Variants in MON2 observed in about 807,000 individuals in gnomAD.
MON2 encodes protein MON2 homolog.
A neutral mutation model predicts 208.6 loss-of-function variants in MON2; 84 were observed. The ratio of observed to expected loss-of-function variants is 0.40; its 90% confidence interval spans 0.34 to 0.48. The LOEUF is 0.48. Among genes scored for constraint, MON2 ranks in the 20% least tolerant of loss-of-function variants. MON2 has a pLI of 0.59. For synonymous variants in MON2, 660 were observed against 694.0 expected (o/e 0.95, Z 0.77); for missense variants, 1,611 against 2,015.4 (o/e 0.80, Z 3.84).
intron 30 of MON2, among the ~76,000 whole-genome samples, chr12:62,576,103 A>T (rs1409895891): frequency 1.3e-5 from 2 of 152,202 alleles, no homozygotes; most frequent in African/African-American, 2.4e-5. Context: ...ATTGAATGTA[A>T]TGTATTCATA....
intron 8 of MON2, among the ~76,000 whole-genome samples, chr12:62,516,698 C>T (rs2071711033): frequency 6.6e-6 from 1 of 152,012 alleles, no homozygotes; most frequent in Non-Finnish European, 1.5e-5. Context: ...GAGCAAAACT[C>T]CATCTCTAAA....
At chr12:62,483,257 TGTAGCCAAATG>T (rs1161096978) in intron 1 of MON2, among the ~76,000 whole-genome samples, 1 of 152,202 alleles carries the variant, frequency 6.6e-6, no homozygotes, top group East Asian at 1.9e-4. Flanking sequence ...AATAGCCACA[TGTAGCCAAATG>T]GCTACCAAAT....
At chr12:62,481,050 AT>A (rs1460867559) in intron 1 of MON2, among the ~76,000 whole-genome samples, 7 of 152,180 alleles carry the variant, frequency 4.6e-5, no homozygotes, top group African/African-American at 1.4e-4. Flanking sequence ...GTGTTCTATA[AT>A]TTTTACAGTA....
chr12:62,535,390 A>G, intron 13 of MON2, 135 bp from the exon 14 acceptor site: 1 of 679,424 alleles, frequency 1.5e-6, no homozygotes, highest in Non-Finnish European at 2.3e-6. Context: ...TTCCTTCTTA[A>G]GTATATTGGT....
chr12:62,501,064 G>C (rs923534765), intron 6 of MON2, among the ~76,000 whole-genome samples, 184 bp downstream of exon 6: 1 of 151,890 alleles, frequency 6.6e-6, no homozygotes, highest in Non-Finnish European at 1.5e-5. Context: ...ATGATAAAAC[G>C]TTATTACTCA....
At chr12:62,590,991 CTTTGAG>C (rs1169352755) in intron 34 of MON2, among the ~76,000 whole-genome samples, 1 of 152,174 alleles carries the variant, frequency 6.6e-6, no homozygotes, top group African/African-American at 2.4e-5. Flanking sequence ...GAGTTGCTTC[CTTTGAG>C]TTTAAGATGT....
rs377424436 is a variant in MON2, at chr12:62,571,496, T to C, written c.4428T>C (p.Val1476=). ...LLRVLSIGLP[V]ARQHASSGKF... ...GAGTTCTTTCTATTGGGCTACCTGT[T>C]GCCCGGCAGCATGCTTCTTCTGGAA... The change falls in exon 30 of 35, where the codon GTT becomes GTC. Residue 1476 remains valine (V), a synonymous_variant. Transcript: ENST00000393630. The C allele has an allele frequency of 1.2e-6, 2 of 1,613,844 alleles. No individual in the cohort carries two copies. Among genetic ancestry groups the C allele is most frequent in the Non-Finnish European group, 1.7e-6 (2 of 1,179,738 alleles).
At chr12:62,469,910 ATTTATTTATTTAT>A (rs1370429293) in intron 1 of MON2, among the ~76,000 whole-genome samples, 5,131 of 41,650 alleles carry the variant, frequency 0.12, 295 homozygotes, top group African/African-American at 0.36. Flanking sequence ...TTATTTATTT[ATTTATTTATTTAT>A]TTGAGACAGG....
At chr12:62,552,162 G>A (rs1005380028) in intron 23 of MON2, among the ~76,000 whole-genome samples, 1 of 152,154 alleles carries the variant, frequency 6.6e-6, no homozygotes, top group Non-Finnish European at 1.5e-5. Flanking sequence ...TTATATAACA[G>A]ACTTGAGGAT....
At chr12:62,534,542 A>AATATATATATATATATATAT (rs71882879) in intron 12 of MON2, among the ~76,000 whole-genome samples, 16 of 22,826 alleles carry the variant, frequency 7.0e-4, no homozygotes, top group East Asian at 1.7e-3. Flanking sequence ...AAAAAAAAAA[A>AATATATATATATATATATAT]ATATATATAT....
At chr12:62,523,317 A>C (rs1014577070) in intron 8 of MON2, among the ~76,000 whole-genome samples, 1 of 152,174 alleles carries the variant, frequency 6.6e-6, no homozygotes, top group African/African-American at 2.4e-5. Flanking sequence ...TTGATTTCCC[A>C]GAAAGATGTA....
intron 19 of MON2, among the ~76,000 whole-genome samples, chr12:62,539,164 T>G (rs1428544819): frequency 6.6e-6 from 1 of 152,144 alleles, no homozygotes; most frequent in African/African-American, 2.4e-5. Context: ...GTTTGACTAT[T>G]TACAAATAAG....
At chr12:62,575,520 G>A (rs555322805) in intron 30 of MON2, among the ~76,000 whole-genome samples, 126 of 152,152 alleles carry the variant, frequency 8.3e-4, no homozygotes, top group Non-Finnish European at 1.5e-3. Context: ...AAGACTTAAT[G>A]AATTTAAATA....
chr12:62,491,557 C>T (rs2070141991), intron 2 of MON2, among the ~76,000 whole-genome samples: 1 of 151,948 alleles, frequency 6.6e-6, no homozygotes, highest in African/African-American at 2.4e-5. Context: ...TCACTGGGTC[C>T]TCTTTTAACT....
chr12:62,468,525 T>C (rs1486631989), intron 1 of MON2, among the ~76,000 whole-genome samples: 13 of 152,216 alleles, frequency 8.5e-5, no homozygotes, highest in Admixed American at 6.5e-5. Flanking sequence ...AATATTGACT[T>C]TTCTGTAAGT....
intron 22 of MON2, among the ~76,000 whole-genome samples, chr12:62,549,325 A>G (rs1315834238): frequency 6.6e-6 from 1 of 152,038 alleles, no homozygotes; most frequent in African/African-American, 2.4e-5. Flanking sequence ...ATTTCTTTTA[A>G]ATGCATAAGT....
intron 14 of MON2, among the ~76,000 whole-genome samples, chr12:62,536,043 A>G (rs1210634711): frequency 6.6e-6 from 1 of 152,184 alleles, no homozygotes; most frequent in African/African-American, 2.4e-5. Context: ...AAATAAATGC[A>G]TAAGTATATA....
chr12:62,588,497 A>G (rs2075292451), intron 34 of MON2, among the ~76,000 whole-genome samples: 1 of 152,094 alleles, frequency 6.6e-6, no homozygotes, highest in Admixed American at 6.6e-5. Context: ...TTTATCATCT[A>G]TTCGTACTGA....
chr12:62,557,439 C>T (rs1321907011), intron 25 of MON2, among the ~76,000 whole-genome samples: 3 of 152,148 alleles, frequency 2.0e-5, no homozygotes, highest in Admixed American at 2.0e-4. Flanking sequence ...ACAATGCAGC[C>T]TCCTATAACA....
Sources: allele counts gnomAD v4.1 joint callset (sites outside exome capture counted in the v4.1 genomes callset), GRCh38; gene constraint gnomAD v4.1.1; transcripts MANE v1.5; gene names NCBI Gene and HGNC (gene_info 2026-07-23, HGNC 2026-07-21).